Variants in SLC7A14 observed in about 807,000 individuals in gnomAD.
The protein encoded by SLC7A14 is solute carrier family 7 member 14, also known as gamma-aminobutyric acid transporter SLC7A14.
In SLC7A14, 37 loss-of-function variants were observed where a neutral mutation model predicts 60.2. The observed-to-expected ratio is 0.61, with a 90% confidence interval of 0.47 to 0.81. The LOEUF is 0.81. Among genes scored for constraint, SLC7A14 ranks in the 30% least tolerant of loss-of-function variants. The pLI is 0.00. For synonymous variants in SLC7A14, 399 were observed against 395.8 expected (o/e 1.01, Z -0.10); for missense variants, 886 against 982.7 (o/e 0.90, Z 1.32).
At chr3:170,563,655 A>G (rs191311081) in intron 1 of SLC7A14, among the ~76,000 whole-genome samples, 1 of 152,224 alleles carries the variant, frequency 6.6e-6, no homozygotes, top group East Asian at 1.9e-4. Flanking sequence ...TCCTGACCTC[A>G]GGTGATCCAC....
At position 170,501,338 on chromosome 3, in the gene SLC7A14, G is replaced by A; in HGVS notation, c.312C>T (p.Cys104=). 1.2e-6 allele frequency: 2 copies of A among 1,614,050 alleles called. No homozygotes were observed. The highest frequency in any genetic ancestry group is 1.1e-5 in the South Asian group (1 of 91,064). Residue 104 remains cysteine (C), a synonymous_variant, in exon 3 of 8, where the codon TGC becomes TGT. Transcript: ENST00000231706. ...AAVASILSGV[C]YAEFGVRVPK... The stretch of plus-strand genomic sequence containing the variant: ...GGACTCGAACTCCAAACTCTGCATA[G>A]CAGACGCCTGCAAGGGACAGACATA...
At chr3:170,507,490 T>C (rs1253480434) in intron 2 of SLC7A14, among the ~76,000 whole-genome samples, 1 of 152,180 alleles carries the variant, frequency 6.6e-6, no homozygotes, top group Non-Finnish European at 1.5e-5. Flanking sequence ...AGGGAGCCTT[T>C]TAAGCTACTT....
intron 7 of SLC7A14, among the ~76,000 whole-genome samples, chr3:170,475,848 G>C (rs140989479): frequency 0.019 from 2,914 of 152,222 alleles, 40 homozygotes; most frequent in Middle Eastern, 0.034. Context: ...GAGTAGCTGG[G>C]ATTACAGGTG....
chr3:170,495,823 A>T (rs1196876432), intron 4 of SLC7A14: 1 of 1,126,840 alleles, frequency 8.9e-7, no homozygotes, highest in Non-Finnish European at 1.4e-6. Context: ...CTCCTGCAGC[A>T]GCAGAAGATG....
intron 1 of SLC7A14, among the ~76,000 whole-genome samples, chr3:170,537,122 C>T (rs1376748229): frequency 1.3e-5 from 2 of 152,152 alleles, no homozygotes; most frequent in African/African-American, 2.4e-5. Flanking sequence ...CAAATGGCTA[C>T]AAATGTAGTG....
In SLC7A14 at chr3:170,526,824, C is replaced by T. The variant is rs138031691; in HGVS notation, c.113G>A (p.Gly38Glu). 1 of 1,614,164 alleles carries T rather than the reference C, an allele frequency of 6.2e-7. No individual in the cohort carries two copies. Among genetic ancestry groups the T allele is most frequent in the South Asian group, 1.1e-5 (1 of 91,076 alleles). ...TCCATGTGCCGTGGTGGTCCCAGTT[C>T]CCTCTAGCATGGACTCCACTGGTTT... is the stretch of plus-strand genomic sequence containing the variant. ...RTKPVESMLE[G>E]TGTTTAHGTK... The change falls in exon 2 of 8, where the codon GGA becomes GAA. Residue 38 changes from glycine to glutamate, a missense_variant. Gly to Glu is a moderately conservative substitution (Grantham distance 98). Coordinates refer to ENST00000231706, the MANE Select transcript of SLC7A14 (RefSeq NM_020949.3).
At chr3:170,478,870 TC>T (rs1711718082) in intron 7 of SLC7A14, among the ~76,000 whole-genome samples, 2 of 152,090 alleles carry the variant, frequency 1.3e-5, no homozygotes, top group Non-Finnish European at 2.9e-5. Flanking sequence ...ATGCCTGTAA[TC>T]CCAGCACTTT....
chr3:170,495,843 A>T (rs1288725243), intron 4 of SLC7A14: 1 of 1,153,768 alleles, frequency 8.7e-7, no homozygotes, highest in African/African-American at 1.5e-5. Context: ...GGCTCGGATC[A>T]ACGTATTTGA....
At chr3:170,546,986 A>T (rs1231094870) in intron 1 of SLC7A14, among the ~76,000 whole-genome samples, 1 of 152,154 alleles carries the variant, frequency 6.6e-6, no homozygotes, top group Non-Finnish European at 1.5e-5. Flanking sequence ...TATTTCCAAG[A>T]GATTTATATT....
intron 2 of SLC7A14, among the ~76,000 whole-genome samples, chr3:170,512,245 G>A (rs1026030820): frequency 2.0e-5 from 3 of 152,170 alleles, no homozygotes; most frequent in African/African-American, 4.8e-5. Flanking sequence ...GCCCTCACGT[G>A]GCCTCCCCAG....
intron 4 of SLC7A14, 54 bp from the exon 5 acceptor site, chr3:170,486,422 C>A: frequency 6.2e-7 from 1 of 1,612,370 alleles, no homozygotes; most frequent in Non-Finnish European, 8.5e-7. Context: ...GCACCTGGGT[C>A]TTAAATGTGG....
intron 5 of SLC7A14, among the ~76,000 whole-genome samples, chr3:170,484,805 A>G (rs375878369): frequency 7.0e-4 from 106 of 152,284 alleles, no homozygotes; most frequent in South Asian, 6.6e-3. Context: ...AATGTTTCCT[A>G]GTAACATAAC....
rs61740370 is a variant in SLC7A14 at position 170,498,712 on chromosome 3, C to G, written c.714G>C (p.Gly238=). 212 of 1,614,182 alleles carry G rather than the reference C, an allele frequency of 1.3e-4. No homozygotes were observed. In the African/African-American group the frequency reaches 2.5e-3, roughly 19 times the overall value. Residue 238 remains glycine (G), a synonymous_variant, in exon 4 of 8, where the codon GGG becomes GGC. Coordinates refer to ENST00000231706, the MANE Select transcript of SLC7A14 (RefSeq NM_020949.3). ...AGAACTGGCCCTCCGCCCAGTATTTCCCATTGATGAAGAAGAGGCCTGCGA... is the reference window on the plus strand; with the variant it reads ...AGAACTGGCCCTCCGCCCAGTATTTGCCATTGATGAAGAAGAGGCCTGCGA... ...IMIAGLFFIN[G]KYWAEGQFLP...
In SLC7A14 at chr3:170,526,929, C is replaced by A. The variant is rs1167304689; in HGVS notation, c.8G>T (p.Gly3Val). 3 of 1,612,428 alleles carry A rather than the reference C, an allele frequency of 1.9e-6. No homozygotes were observed. The highest frequency in any genetic ancestry group is 2.2e-5 in the East Asian group (1 of 44,834). Residue 3 changes from glycine to valine, a missense_variant, in exon 2 of 8, where the codon GGC becomes GTC. Physicochemically the swap from Gly to Val is moderately radical, Grantham distance 109. Coordinates refer to ENST00000231706, the MANE Select transcript of SLC7A14 (RefSeq NM_020949.3). MS[G>V]FFTSLDPRRV... ...CCGGGGGTCCAGCGAGGTGAAGAAG[C>A]CACTCATCTTGAGCGATAGGGGATG...
chr3:170,577,640 A>G (rs1715134548), intron 1 of SLC7A14, among the ~76,000 whole-genome samples: 2 of 151,266 alleles, frequency 1.3e-5, no homozygotes, highest in Admixed American at 1.3e-4. Context: ...AAAAAAAAAA[A>G]AAAAAAAAGA....
In SLC7A14 at chr3:170,502,984, T is replaced by C. The variant is rs182760361; in HGVS notation, c.305-1639A>G. On this transcript the variant is annotated intron_variant, in intron 2 of 7. Coordinates refer to ENST00000231706, the MANE Select transcript of SLC7A14 (RefSeq NM_020949.3). The stretch of plus-strand genomic sequence containing the variant: ...TGACCCTCTAGGATTCCATCTGTTA[T>C]ATTGAACTTTGTAGTATTTTTTGCT... The C allele has an allele frequency of 2.1e-4, 32 of 152,356 alleles. No homozygotes were observed. In the East Asian group the frequency reaches 3.9e-3, roughly 18 times the overall value. 9.4% of individuals were successfully genotyped at this position (152,356 alleles called of 1,614,324 possible).
rs1261010208 is a variant in SLC7A14, at chr3:170,467,185, A to C, written c.2186T>G (p.Phe729Cys). 1.9e-6 allele frequency: 3 copies of C among 1,614,086 alleles called. No homozygotes were observed. The highest frequency in any genetic ancestry group is 1.3e-5 in the African/African-American group (1 of 74,930). Residue 729 changes from phenylalanine (F) to cysteine (C), a missense_variant, in exon 8 of 8, where the codon TTC becomes TGC. Coordinates refer to ENST00000231706, the MANE Select transcript of SLC7A14 (RefSeq NM_020949.3). Reference protein sequence around the residue: ...DWGGPTEDKGFYYQQMSDAKA... With the variant: ...DWGGPTEDKGCYYQQMSDAKA... Reference sequence around the variant, plus strand: ...CGCATCTGACATCTGTTGGTAATAGAAGCCTTTGTCTTCAGTGGGCCCGCC... The same window carrying C: ...CGCATCTGACATCTGTTGGTAATAGCAGCCTTTGTCTTCAGTGGGCCCGCC...
intron 1 of SLC7A14, among the ~76,000 whole-genome samples, chr3:170,538,937 G>A (rs531212774): frequency 8.5e-5 from 13 of 152,296 alleles, no homozygotes; most frequent in Non-Finnish European, 1.2e-4. Flanking sequence ...CATTAAATGT[G>A]TGTTAACCAC....
rs1713525378 is a variant in SLC7A14 at position 170,526,895 on chromosome 3, C to G, written c.42G>C (p.Gln14His). Reference protein sequence around the residue: ...FFTSLDPRRVQWGAAWYAMHS... With the variant: ...FFTSLDPRRVHWGAAWYAMHS... ...GCATTGCATACCAGGCAGCTCCCCA[C>G]TGCACCCGCCGGGGGTCCAGCGAGG... The change falls in exon 2 of 8, where the codon CAG (glutamine) becomes CAC (histidine). Residue 14 changes from glutamine to histidine, a missense_variant. Gln to His is a conservative substitution (Grantham distance 24, BLOSUM62 0). Transcript: ENST00000231706. 1 of 1,613,626 alleles carries G rather than the reference C, an allele frequency of 6.2e-7. No individual in the cohort carries two copies. Among genetic ancestry groups the G allele is most frequent in the Admixed American group, 1.7e-5 (1 of 59,938 alleles).
Sources: gnomAD v4.1 joint callset for allele counts (sites outside exome capture counted in the v4.1 genomes callset) on GRCh38, gnomAD v4.1.1 for gene constraint, MANE v1.5 for transcripts, NCBI Gene and HGNC (gene_info 2026-07-23, HGNC 2026-07-21) for gene names.